Variants in XKRX observed in about 807,000 individuals in gnomAD.
XKRX encodes the protein XK related X-linked, also known as XK-related protein 2.
Under a neutral mutation model 22.4 loss-of-function variants are expected in XKRX, and 11 were observed. The observed-to-expected ratio is 0.49, with a 90% CI of 0.31 to 0.81. XKRX has a LOEUF of 0.81. Among genes scored for constraint, XKRX ranks in the 40% least tolerant of loss-of-function variants. XKRX has a pLI of 0.05. For synonymous variants in XKRX, 114 were observed against 132.2 expected, an observed-to-expected ratio of 0.86 and a Z score of 0.94; for missense variants, 320 against 336.5, an observed-to-expected ratio of 0.95 and a Z score of 0.38.
chrX:100,923,265 C>T (rs1257618389), intron 1 of XKRX, among the ~76,000 whole-genome samples: 2 of 112,150 alleles, frequency 1.8e-5, no homozygotes, highest in African/African-American at 3.2e-5. Context: ...GATCCTCCCA[C>T]CTCAGCCTTC....
chrX:100,919,866 T>C (rs2085463345), intron 2 of XKRX, among the ~76,000 whole-genome samples: 1 of 111,961 alleles, frequency 8.9e-6, no homozygotes, highest in Non-Finnish European at 1.9e-5. Flanking sequence ...AACATACATA[T>C]CCTTCCACCC....
At chrX:100,959,150 G>A in the XKRX span, among the ~76,000 whole-genome samples, 1 of 111,191 alleles carries the variant, frequency 9.0e-6, no homozygotes, top group Non-Finnish European at 1.9e-5. Context: ...TATTTGCAAA[G>A]GTAAGTTACA....
the XKRX span, among the ~76,000 whole-genome samples, chrX:100,906,744 G>C: frequency 2.9e-5 from 3 of 104,193 alleles, no homozygotes; most frequent in African/African-American, 1.1e-4. Flanking sequence ...TTTCACAAGG[G>C]CTGAAACAGC....
At chrX:100,903,304 TTAACA>T in the XKRX span, among the ~76,000 whole-genome samples, 1 of 112,002 alleles carries the variant, frequency 8.9e-6, no homozygotes, top group African/African-American at 3.2e-5. Context: ...GTCTTTGTAG[TTAACA>T]TAATTTTCTA....
At chrX:100,927,916 C>A in intron 1 of XKRX, 54 bp downstream of exon 1, 2 of 1,133,877 alleles carry the variant, frequency 1.8e-6, no homozygotes. Flanking sequence ...TCTTTCTCTG[C>A]CCAAGTCTGG....
chrX:100,934,383 G>A (rs749083734), upstream of XKRX, among the ~76,000 whole-genome samples: 1 of 111,736 alleles, frequency 8.9e-6, no homozygotes, highest in African/African-American at 3.3e-5. Flanking sequence ...AAGAGATGGT[G>A]TTGCAGTCTT....
At chrX:100,910,821 A>G (rs2085404530), downstream of XKRX, 1 of 779,778 alleles carries the variant, frequency 1.3e-6, no homozygotes, top group Admixed American at 2.3e-5. Context: ...ACGTTCAAAG[A>G]AGGCAAAGAA....
At chrX:100,950,049 A>G in the XKRX span, among the ~76,000 whole-genome samples, 3 of 112,274 alleles carry the variant, frequency 2.7e-5, no homozygotes, top group African/African-American at 9.7e-5. Flanking sequence ...TGAATATAGA[A>G]CAACAAAAAT....
chrX:100,912,054 T>A (rs985756981), downstream of XKRX, among the ~76,000 whole-genome samples: 1 of 111,790 alleles, frequency 8.9e-6, no homozygotes, highest in African/African-American at 3.3e-5. Context: ...TATGTTTCCA[T>A]AGCACCCACT....
downstream of XKRX, chrX:100,910,967 C>T (rs150176610): frequency 9.9e-4 from 557 of 560,023 alleles, 9 homozygotes; most frequent in East Asian, 0.018. Flanking sequence ...GGGATCAGTA[C>T]CTGCCTATCT....
At chrX:100,888,371 G>A in the XKRX span, 2 of 744,389 alleles carry the variant, frequency 2.7e-6, no homozygotes, top group Admixed American at 2.2e-5. Flanking sequence ...GTGTGGCCTT[G>A]CATTCGTGGC....
intron 1 of XKRX, among the ~76,000 whole-genome samples, chrX:100,925,392 T>C (rs2085493813): frequency 8.9e-6 from 1 of 112,315 alleles, no homozygotes; most frequent in East Asian, 2.8e-4. Context: ...TAACAAGTAA[T>C]TGGCCTTGAA....
At chrX:100,904,425 G>A in the XKRX span, among the ~76,000 whole-genome samples, 1 of 112,544 alleles carries the variant, frequency 8.9e-6, no homozygotes, top group Non-Finnish European at 1.9e-5. Context: ...AGAAAATCTA[G>A]ATGACATTGG....
At chrX:100,889,580 A>G in the XKRX span, among the ~76,000 whole-genome samples, 1 of 110,403 alleles carries the variant, frequency 9.1e-6, no homozygotes, top group African/African-American at 3.3e-5. Flanking sequence ...ACATGGGGAG[A>G]ACACCATATA....
chrX:100,955,946 C>T, the XKRX span, among the ~76,000 whole-genome samples: 3 of 111,397 alleles, frequency 2.7e-5, no homozygotes, highest in African/African-American at 9.8e-5. Context: ...ACCAAGTCAT[C>T]GAATCAACCT....
At chrX:100,941,891 T>TC in the XKRX span, among the ~76,000 whole-genome samples, 5 of 111,143 alleles carry the variant, frequency 4.5e-5, no homozygotes, top group South Asian at 3.8e-4. Flanking sequence ...GCGTTTCTTT[T>TC]CTTTTTTTTT....
upstream of XKRX, among the ~76,000 whole-genome samples, chrX:100,931,857 G>A (rs1220145011): frequency 9.0e-6 from 1 of 110,962 alleles, no homozygotes; most frequent in Non-Finnish European, 1.9e-5. Flanking sequence ...AATGAGCACT[G>A]TCTCATTCAG....
At chrX:100,907,149 C>T in the XKRX span, among the ~76,000 whole-genome samples, 10 of 111,541 alleles carry the variant, frequency 9.0e-5, no homozygotes, top group Non-Finnish European at 1.9e-4. Flanking sequence ...TTTTTATAGC[C>T]TCATCTTAGA....
At chrX:100,887,273 G>A in the XKRX span, among the ~76,000 whole-genome samples, 1 of 110,636 alleles carries the variant, frequency 9.0e-6, no homozygotes, top group East Asian at 2.8e-4. Context: ...TGGCTTCAGA[G>A]TAGACTAACT....
Sources: gnomAD v4.1 joint callset for allele counts (sites outside exome capture counted in the v4.1 genomes callset) on GRCh38, gnomAD v4.1.1 for gene constraint, MANE v1.5 for transcripts, NCBI Gene and HGNC (gene_info 2026-07-23, HGNC 2026-07-21) for gene names.